Variants in CYRIA observed in about 807,000 individuals in gnomAD.
CYRIA encodes the protein CYFIP related Rac1 interactor A.
A neutral mutation model predicts 43.9 loss-of-function variants in CYRIA; 15 were observed. The ratio of observed to expected loss-of-function variants is 0.34; its 90% CI spans 0.23 to 0.53. The LOEUF is 0.53. Ranked by LOEUF, CYRIA falls within the 20% of genes least tolerant of loss-of-function variation. The probability of loss-of-function intolerance (pLI) is 0.94; values close to 1 mark genes in which losing one functional copy is unlikely to be tolerated. For missense variants in CYRIA, 236 were observed against 394.2 expected, an observed-to-expected ratio of 0.60 and a Z score of 3.40; for synonymous variants, 117 against 136.0, an observed-to-expected ratio of 0.86 and a Z score of 0.97.
At chr2:16,565,528 C>A in intron 4 of CYRIA, 118 bp downstream of exon 4, 1 of 1,238,164 alleles carries the variant, frequency 8.1e-7, no homozygotes, top group Admixed American at 2.7e-5. Context: ...CCTTGTTCTT[C>A]CTGGTACTCT....
intron 2 of CYRIA, among the ~76,000 whole-genome samples, chr2:16,612,373 A>G (rs1668634628): frequency 6.6e-6 from 1 of 152,038 alleles, no homozygotes; most frequent in African/African-American, 2.4e-5. Context: ...AGAAAGAGAA[A>G]AGGAGGAAAA....
At chr2:16,557,906 T>C (rs1666584655) in intron 10 of CYRIA, among the ~76,000 whole-genome samples, 1 of 152,176 alleles carries the variant, frequency 6.6e-6, no homozygotes, top group Non-Finnish European at 1.5e-5. Flanking sequence ...AAATAATATT[T>C]ACAGAGTTAT....
intron 2 of CYRIA, among the ~76,000 whole-genome samples, chr2:16,617,427 G>C (rs551191389): frequency 6.6e-6 from 1 of 152,226 alleles, no homozygotes; most frequent in African/African-American, 2.4e-5. Flanking sequence ...ATCAGGCCTA[G>C]GCCAAAACCC....
intron 1 of CYRIA, among the ~76,000 whole-genome samples, chr2:16,665,228 T>C (rs1033552569): frequency 4.6e-5 from 7 of 152,044 alleles, no homozygotes; most frequent in African/African-American, 1.7e-4. Flanking sequence ...GGTTCTGGGT[T>C]CTGGGGGAGG....
intron 2 of CYRIA, among the ~76,000 whole-genome samples, chr2:16,611,796 T>C (rs1668613358): frequency 6.6e-6 from 1 of 151,942 alleles, no homozygotes; most frequent in African/African-American, 2.4e-5. Context: ...GTGGTGGAGG[T>C]TGGACATGAG....
intron 2 of CYRIA, among the ~76,000 whole-genome samples, chr2:16,608,926 T>G (rs977059109): frequency 6.6e-6 from 1 of 152,172 alleles, no homozygotes; most frequent in Non-Finnish European, 1.5e-5. Context: ...CACATGGCTA[T>G]TAATCATACA....
intron 2 of CYRIA, among the ~76,000 whole-genome samples, chr2:16,620,304 GT>G (rs1668951427): frequency 6.6e-6 from 1 of 152,188 alleles, no homozygotes; most frequent in Non-Finnish European, 1.5e-5. Flanking sequence ...AATAGTTTAA[GT>G]TTTTGCCAGC....
rs16982633 is a variant in CYRIA, at chr2:16,641,636, T to C, written c.-166-17617A>G. Among the ~76,000 whole-genome samples the C allele has an allele frequency of 6.6e-3, 1,001 of 152,340 alleles. 12 individuals are homozygous for C. The highest frequency in any genetic ancestry group is 0.04 in the South Asian group (192 of 4,824). On this transcript the variant is annotated intron_variant, in intron 1 of 11. Transcript: ENST00000381323. Reference sequence around the variant, plus strand: ...TCTGAGGGTAGAAAAATACCAAGTTTAACTTTGCATACTCATTCCATCTAG... The same window carrying C: ...TCTGAGGGTAGAAAAATACCAAGTTCAACTTTGCATACTCATTCCATCTAG...
intron 2 of CYRIA, among the ~76,000 whole-genome samples, chr2:16,602,892 T>A (rs1668258976): frequency 6.6e-6 from 1 of 150,846 alleles, no homozygotes; most frequent in African/African-American, 2.4e-5. Flanking sequence ...CCAGAATAAT[T>A]TTTTTTTTTG....
rs191401294 is a variant in CYRIA, at chr2:16,665,764, G to A, written c.-167+16C>T. The A allele has an allele frequency of 0.086, 11,292 of 132,028 alleles. 784 individuals carry two copies. Among genetic ancestry groups the A allele is most frequent in the African/African-American group, 0.22 (7,515 of 34,778 alleles). 8.2% of individuals were successfully genotyped at this position (132,028 alleles called of 1,614,324 possible). A position where few individuals can be genotyped will look rare whatever the true frequency, so the allele number is the denominator to read the frequency against. Reference sequence around the variant, plus strand: ...CGCCCGCGCCCCTGCCGCGCCCCCAGCCGCGCCGCGCTCACCGAGTCGCCG... The same window carrying A: ...CGCCCGCGCCCCTGCCGCGCCCCCAACCGCGCCGCGCTCACCGAGTCGCCG... On this transcript the variant is annotated intron_variant, in intron 1 of 11. Transcript: ENST00000381323.
Position 16,600,800 on chromosome 2 carries a change from A to G in CYRIA, c.-10-12671T>C, listed in dbSNP as rs548049659. Among the ~76,000 whole-genome samples the G allele has an allele frequency of 3.9e-5, 6 of 152,314 alleles. No individual in the cohort carries two copies. In the East Asian group the frequency reaches 1.2e-3, roughly 29 times the overall value. On this transcript the variant is annotated intron_variant, in intron 2 of 11. Transcript: ENST00000381323. The stretch of plus-strand genomic sequence containing the variant: ...ACACTTTATCTCATTCAAACCTTAC[A>G]GCAAACATCAGGTAGCTATAATTAT...
chr2:16,569,183 C>T (rs1412220060), intron 3 of CYRIA, among the ~76,000 whole-genome samples: 2 of 152,154 alleles, frequency 1.3e-5, no homozygotes, highest in African/African-American at 2.4e-5. Flanking sequence ...GGTACCACTT[C>T]TCTCCCAGAG....
At chr2:16,592,870 T>C (rs903686146) in intron 2 of CYRIA, among the ~76,000 whole-genome samples, 1 of 152,186 alleles carries the variant, frequency 6.6e-6, no homozygotes, top group African/African-American at 2.4e-5. Context: ...ACACCAAATC[T>C]TACCCAGAAA....
chr2:16,615,457 C>T (rs1462639939), intron 2 of CYRIA, among the ~76,000 whole-genome samples: 3 of 152,172 alleles, frequency 2.0e-5, no homozygotes, highest in African/African-American at 7.2e-5. Flanking sequence ...AGGGATAGGA[C>T]CCACTGAGCC....
chr2:16,609,749 C>T (rs1668527381), intron 2 of CYRIA, among the ~76,000 whole-genome samples: 1 of 152,120 alleles, frequency 6.6e-6, no homozygotes, highest in Admixed American at 6.5e-5. Context: ...AGGACATCTT[C>T]CATGACTCCC....
At chr2:16,603,157 G>A (rs938892283) in intron 2 of CYRIA, among the ~76,000 whole-genome samples, 10 of 152,102 alleles carry the variant, frequency 6.6e-5, no homozygotes, top group Admixed American at 1.3e-4. Flanking sequence ...GGCACAGAAC[G>A]CCTGGACCCC....
At chr2:16,566,982 A>G (rs1666956072) in intron 3 of CYRIA, among the ~76,000 whole-genome samples, 1 of 152,150 alleles carries the variant, frequency 6.6e-6, no homozygotes, top group African/African-American at 2.4e-5. Context: ...CCTCACTAAC[A>G]GAGGGTGAAG....
rs536861889 is a variant in CYRIA, at chr2:16,646,392, G to T, written c.-167+19388C>A. ...TATCTTAAAGAATGCTGCCTGTTTA[G>T]TTGTCCTATGAGGCAGAGCTTTTGA... On this transcript the variant is annotated intron_variant, in intron 1 of 11. Coordinates refer to ENST00000381323, the MANE Select transcript of CYRIA (RefSeq NM_030797.4). Among the ~76,000 whole-genome samples, 3 of 152,172 alleles carry T rather than the reference G, an allele frequency of 2.0e-5. No homozygotes were observed. The East Asian group carries it at 5.8e-4, about 29-fold the overall frequency.
chr2:16,607,594 T>G (rs1305116237), intron 2 of CYRIA, among the ~76,000 whole-genome samples: 3 of 152,110 alleles, frequency 2.0e-5, no homozygotes, highest in Non-Finnish European at 4.4e-5. Flanking sequence ...TGCTTCTGCC[T>G]TTTTTCTTTT....
Sources: allele counts gnomAD v4.1 joint callset (sites outside exome capture counted in the v4.1 genomes callset), GRCh38; gene constraint gnomAD v4.1.1; transcripts MANE v1.5; gene names NCBI Gene and HGNC (gene_info 2026-07-23, HGNC 2026-07-21).